Variants in PTPRD observed in about 807,000 individuals in gnomAD.
PTPRD encodes the protein protein tyrosine phosphatase receptor type D, also known as receptor-type tyrosine-protein phosphatase delta.
PTPRD carries 34 observed loss-of-function variants against 214.5 expected under a neutral mutation model. That is an observed-to-expected ratio of 0.16 (90% CI 0.12 to 0.21). The LOEUF (loss-of-function observed/expected upper bound fraction) is 0.21. Among genes scored for constraint, PTPRD ranks in the 10% least tolerant of loss-of-function variants. The probability of loss-of-function intolerance (pLI) is 1.00; values close to 1 mark genes in which losing one functional copy is unlikely to be tolerated. For missense variants in PTPRD, 2,545 were observed against 2,398.7 expected (o/e 1.06, Z -1.27); for synonymous variants, 1,128 against 845.7 (o/e 1.33, Z -5.79).
chr9:9,821,562 A>C (rs1391732752), intron 5 of PTPRD, among the ~76,000 whole-genome samples: 3 of 152,218 alleles, frequency 2.0e-5, no homozygotes, highest in Non-Finnish European at 4.4e-5. Flanking sequence ...GATATAGATA[A>C]ATATCATAAT....
At chr9:10,122,656 C>T (rs138907714) in intron 3 of PTPRD, among the ~76,000 whole-genome samples, 4 of 152,278 alleles carry the variant, frequency 2.6e-5, no homozygotes, top group African/African-American at 7.2e-5. Context: ...TGAGAATCTT[C>T]AGTTTTCTAA....
intron 5 of PTPRD, among the ~76,000 whole-genome samples, chr9:9,843,665 G>A (rs936333116): frequency 3.3e-5 from 5 of 151,752 alleles, no homozygotes; most frequent in East Asian, 1.9e-4. Flanking sequence ...AATATTTCTC[G>A]ATCTTTGAAA....
intron 11 of PTPRD, among the ~76,000 whole-genome samples, chr9:8,981,585 G>A (rs1427604301): frequency 2.0e-5 from 3 of 151,870 alleles, no homozygotes; most frequent in Admixed American, 2.0e-4. Context: ...GCAACCCAGT[G>A]CTTATTTTTT....
chr9:10,132,722 A>G (rs1303751504), intron 3 of PTPRD, among the ~76,000 whole-genome samples: 1 of 152,208 alleles, frequency 6.6e-6, no homozygotes, highest in East Asian at 1.9e-4. Context: ...CATTCTGTAC[A>G]GAATATTTTA....
intron 10 of PTPRD, among the ~76,000 whole-genome samples, chr9:9,040,137 C>G (rs912724519): frequency 1.3e-5 from 2 of 152,144 alleles, no homozygotes; most frequent in African/African-American, 4.8e-5. Context: ...TCTTTACAAG[C>G]CCATGCAAGG....
chr9:10,450,406 A>G (rs1457580741), intron 2 of PTPRD, among the ~76,000 whole-genome samples: 5 of 152,110 alleles, frequency 3.3e-5, no homozygotes, highest in African/African-American at 9.7e-5. Flanking sequence ...GTTGGGAACT[A>G]TAAGCAATTT....
intron 2 of PTPRD, among the ~76,000 whole-genome samples, chr9:10,457,945 T>C (rs1361758402): frequency 6.6e-6 from 1 of 151,848 alleles, no homozygotes; most frequent in Non-Finnish European, 1.5e-5. Flanking sequence ...CCAACAAATT[T>C]GATAAATTAG....
rs183690081 is a variant in PTPRD at position 9,968,304 on chromosome 9, A to G, written c.-471-29694T>C. On this transcript the variant is annotated intron_variant, in intron 4 of 45. Coordinates refer to ENST00000381196, the MANE Select transcript of PTPRD (RefSeq NM_002839.4). ...GACTAAAAGTGATAATGACATTTCT[A>G]GTAGATTCATTCAGTAGTACAACCC... Among the ~76,000 whole-genome samples the G allele has an allele frequency of 2.6e-5, 4 of 152,324 alleles. No homozygotes were observed. The East Asian group carries it at 7.7e-4, about 29-fold the overall frequency.
chr9:8,793,310 T>G (rs1336192708), intron 11 of PTPRD, among the ~76,000 whole-genome samples: 1 of 152,192 alleles, frequency 6.6e-6, no homozygotes, highest in African/African-American at 2.4e-5. Context: ...ACGGTGGAAC[T>G]CAACTGATAA....
chr9:9,882,687 T>A (rs1462397560), intron 5 of PTPRD, among the ~76,000 whole-genome samples: 5 of 152,166 alleles, frequency 3.3e-5, no homozygotes, highest in African/African-American at 1.2e-4. Flanking sequence ...GTCTTTATGT[T>A]CCTGTTAAGG....
intron 7 of PTPRD, among the ~76,000 whole-genome samples, chr9:9,683,622 C>T (rs1220220883): frequency 6.6e-6 from 1 of 151,550 alleles, no homozygotes; most frequent in Non-Finnish European, 1.5e-5. Flanking sequence ...CACAGAATGT[C>T]AACTCTGAAG....
intron 3 of PTPRD, among the ~76,000 whole-genome samples, chr9:10,035,213 T>C (rs531848735): frequency 2.0e-5 from 3 of 152,280 alleles, no homozygotes; most frequent in East Asian, 1.9e-4. Flanking sequence ...TGATGAGCTT[T>C]TTTTCAATAT....
chr9:10,334,186 C>T (rs576034130), intron 3 of PTPRD, among the ~76,000 whole-genome samples: 1 of 151,538 alleles, frequency 6.6e-6, no homozygotes, highest in Non-Finnish European at 1.5e-5. Flanking sequence ...ACTTAGTTAA[C>T]AAAGAAGACT....
chr9:9,166,013 C>T (rs2099902936), intron 10 of PTPRD, among the ~76,000 whole-genome samples: 1 of 151,882 alleles, frequency 6.6e-6, no homozygotes, highest in South Asian at 2.1e-4. Flanking sequence ...TAAATTTAGT[C>T]AGGTACAATT....
intron 5 of PTPRD, among the ~76,000 whole-genome samples, chr9:9,839,757 C>G (rs1379220835): frequency 6.6e-6 from 1 of 152,088 alleles, no homozygotes; most frequent in African/African-American, 2.4e-5. Flanking sequence ...CAGTCCTAAG[C>G]TAAAAGAACA....
At chr9:10,087,411 G>A (rs1188936645) in intron 3 of PTPRD, among the ~76,000 whole-genome samples, 1 of 151,530 alleles carries the variant, frequency 6.6e-6, no homozygotes, top group East Asian at 2.0e-4. Context: ...TGCTAAGTAT[G>A]TTTTTACACT....
At chr9:10,249,711 A>G (rs2092591203) in intron 3 of PTPRD, among the ~76,000 whole-genome samples, 2 of 152,148 alleles carry the variant, frequency 1.3e-5, no homozygotes, top group East Asian at 1.9e-4. Context: ...TGTTCCTACA[A>G]TTAGACAATA....
At chr9:8,612,495 T>C (rs2095485463) in intron 14 of PTPRD, among the ~76,000 whole-genome samples, 11 of 152,174 alleles carry the variant, frequency 7.2e-5, no homozygotes, top group Admixed American at 7.2e-4. Flanking sequence ...AGCTGTTCAA[T>C]TAAGGTGTTA....
intron 3 of PTPRD, among the ~76,000 whole-genome samples, chr9:10,301,727 A>C (rs1430807469): frequency 5.9e-5 from 9 of 152,170 alleles, no homozygotes; most frequent in African/African-American, 2.2e-4. Context: ...GAGAAAAAGG[A>C]ATGAAAAGAA....
Sources: allele counts gnomAD v4.1 joint callset (sites outside exome capture counted in the v4.1 genomes callset), GRCh38; gene constraint gnomAD v4.1.1; transcripts MANE v1.5; gene names NCBI Gene and HGNC (gene_info 2026-07-23, HGNC 2026-07-21).